PNPLA7: variants seen among roughly 807,000 people sequenced by gnomAD.
PNPLA7 encodes patatin-like phospholipase domain-containing protein 7.
In PNPLA7, 153 loss-of-function variants were observed where a neutral mutation model predicts 161.7. The observed-to-expected ratio is 0.95, with a 90% confidence interval of 0.83 to 1.08. PNPLA7 has a LOEUF of 1.08. Ranked by LOEUF, PNPLA7 falls within the 50% of genes least tolerant of loss-of-function variation. The pLI, the probability that PNPLA7 is intolerant of heterozygous loss-of-function variation, is 0.00. For missense variants in PNPLA7, 1,739 were observed against 1,856.6 expected (o/e 0.94, Z 1.16); for synonymous variants, 809 against 782.1 (o/e 1.03, Z -0.57).
intron 1 of PNPLA7, among the ~76,000 whole-genome samples, chr9:137,549,623 C>G (rs776186267): frequency 1.3e-5 from 2 of 150,548 alleles, no homozygotes; most frequent in Non-Finnish European, 3.0e-5. Flanking sequence ...GGCGAAACCC[C>G]GTTTCTACTA....
chr9:137,480,978 C>T lies in PNPLA7; in HGVS notation c.2393G>A (p.Gly798Asp), dbSNP rs1050788534. The change falls in exon 22 of 35, where the codon GGC becomes GAC. Residue 798 changes from glycine (G) to aspartate (D), a missense_variant. By Grantham distance (94) the Gly-to-Asp change is moderately conservative. Coordinates refer to ENST00000406427, the MANE Select transcript of PNPLA7 (RefSeq NM_001098537.3). ...CACGCACCTGTCCAGGGCAGCGGAG[C>T]CAAGGCGCCGTTTTATGTTGTCACT... is the stretch of plus-strand genomic sequence containing the variant. ...LTSDNIKRRL[G>D]SAALDSVHEY... is the part of the protein sequence containing the mutation. 2.1e-5 allele frequency: 32 copies of T among 1,551,480 alleles called. No homozygotes were observed. The highest frequency in any genetic ancestry group is 2.6e-5 in the Non-Finnish European group (30 of 1,146,966).
chr9:137,479,460 G>A (rs1037224669), intron 23 of PNPLA7: 75 of 1,240,304 alleles, frequency 6.0e-5, no homozygotes, highest in Non-Finnish European at 7.5e-5. Flanking sequence ...AGTACGGCAG[G>A]AGGGGGACGC....
At chr9:137,471,103 G>A (rs1414958436) in intron 25 of PNPLA7, among the ~76,000 whole-genome samples, 2 of 152,162 alleles carry the variant, frequency 1.3e-5, no homozygotes, top group African/African-American at 4.8e-5. Flanking sequence ...CAGAAAGAAC[G>A]TACATATGCA....
At position 137,546,850 on chromosome 9, in the gene PNPLA7, C is replaced by G. The variant is rs149161294; in HGVS notation, c.253G>C (p.Gly85Arg). 3 of 1,613,900 alleles carry G rather than the reference C, an allele frequency of 1.9e-6. No homozygotes were observed. Among genetic ancestry groups the G allele is most frequent in the Admixed American group, 3.3e-5 (2 of 60,020 alleles). ...GCTACCTTCCTCATGATCTTCCGGC[C>G]GTAAAACATCACTTTGTCTCTCTTC... ...FRKRDKVMFYGRKIMRKVTTL... is the reference protein window; with the variant it reads ...FRKRDKVMFYRRKIMRKVTTL... The change falls in exon 4 of 35, where the codon GGC becomes CGC. Residue 85 changes from glycine (G) to arginine (R), a missense_variant. This residue lies in a region of PNPLA7 where 209 missense variants were observed against 252.8 expected (regional missense o/e 0.83). Transcript: ENST00000406427.
In PNPLA7 at chr9:137,460,016, G is replaced by A; in HGVS notation, c.*377C>T. 4.4e-6 allele frequency: 1 copy of A among 226,388 alleles called. No homozygotes were observed. The highest frequency in any genetic ancestry group is 9.1e-6 in the Non-Finnish European group (1 of 109,358). The allele number at this position is 226,388 out of a possible 1,614,324, so 14.0% of individuals were successfully genotyped here. On this transcript the variant is annotated 3_prime_UTR_variant, in exon 35 of 35. Transcript: ENST00000406427. ...GCATCAGGGCTCCCACACCTCACAG[G>A]GCAGCAGGCAGTTCACAGGACAGCA...
At chr9:137,469,627 G>C (rs1248057915) in intron 25 of PNPLA7, among the ~76,000 whole-genome samples, 1 of 152,164 alleles carries the variant, frequency 6.6e-6, no homozygotes, top group Non-Finnish European at 1.5e-5. Flanking sequence ...GACAATGTCT[G>C]CTCGTCTAAA....
At chr9:137,464,520 C>A in intron 26 of PNPLA7, 64 bp from the exon 27 acceptor site, 1 of 1,438,800 alleles carries the variant, frequency 7.0e-7, no homozygotes, top group Non-Finnish European at 9.8e-7. Context: ...ACAGCAGACA[C>A]GTGGCGTGCT....
Position 137,489,517 on chromosome 9 carries a change from G to A in PNPLA7, c.2197+3496C>T, listed in dbSNP as rs147594126. On this transcript the variant is annotated intron_variant, in intron 20 of 34. Coordinates refer to ENST00000406427, the MANE Select transcript of PNPLA7 (RefSeq NM_001098537.3). The stretch of plus-strand genomic sequence containing the variant: ...CCAAGAGCAAGGAGGATCTGAACCA[G>A]AGGAGTAAAAACAATCCACAGATAA... 4.5e-3 allele frequency among the ~76,000 whole-genome samples: 683 copies of A among 151,936 alleles called. 13 individuals are homozygous for A. Among genetic ancestry groups the A allele is most frequent in the East Asian group, 6.8e-3 (35 of 5,120 alleles).
chr9:137,477,845 A>G (rs1832012050), intron 25 of PNPLA7, among the ~76,000 whole-genome samples, 189 bp downstream of exon 25: 1 of 152,206 alleles, frequency 6.6e-6, no homozygotes, highest in Non-Finnish European at 1.5e-5. Flanking sequence ...GGCACACCGC[A>G]TGTGCCAGGG....
At chr9:137,532,087 G>A (rs867550587) in intron 8 of PNPLA7, among the ~76,000 whole-genome samples, 23 of 152,114 alleles carry the variant, frequency 1.5e-4, no homozygotes, top group African/African-American at 5.1e-4. Context: ...GCGTATCTGC[G>A]GTATTTTGTA....
rs1398196922 is a variant in PNPLA7 at position 137,461,523 on chromosome 9, C to T, written c.3841+13G>A. ...CGCACGTCTCCACGGCTTCGTCTTG[C>T]GCCTCCACTCACCATCCACCATGGC... On this transcript the variant is annotated intron_variant, in intron 33 of 34. Coordinates refer to ENST00000406427, the MANE Select transcript of PNPLA7 (RefSeq NM_001098537.3). The T allele has an allele frequency of 1.9e-6, 3 of 1,608,180 alleles. No individual in the cohort carries two copies. Among genetic ancestry groups the T allele is most frequent in the South Asian group, 1.1e-5 (1 of 90,568 alleles).
chr9:137,542,020 G>T (rs1468021286), intron 7 of PNPLA7, among the ~76,000 whole-genome samples: 1 of 152,186 alleles, frequency 6.6e-6, no homozygotes, highest in East Asian at 1.9e-4. Flanking sequence ...GGGCTCAGGT[G>T]ATCTTCCCAC....
At position 137,522,143 on chromosome 9, in the gene PNPLA7, C is replaced by T. The variant is rs11137422; in HGVS notation, c.877-427G>A. Among the ~76,000 whole-genome samples, 43 of 152,322 alleles carry T rather than the reference C, an allele frequency of 2.8e-4. No homozygotes were observed. In the East Asian group the frequency reaches 4.1e-3, roughly 14 times the overall value. ...AGGCTGGAGTGCAGTGGCACCATCTCGGCTCACTGCAAGCTCCGCCTCCCG... is the reference window on the plus strand; with the variant it reads ...AGGCTGGAGTGCAGTGGCACCATCTTGGCTCACTGCAAGCTCCGCCTCCCG... On this transcript the variant is annotated intron_variant, in intron 9 of 34. Transcript: ENST00000406427.
rs763514538 is a variant in PNPLA7, at chr9:137,464,407, G to A, written c.3089C>T (p.Thr1030Met). The A allele has an allele frequency of 6.8e-6, 11 of 1,613,886 alleles. No individual in the cohort carries two copies. The highest frequency in any genetic ancestry group is 2.7e-5 in the African/African-American group (2 of 74,904). Residue 1030 changes from threonine to methionine, a missense_variant, in exon 27 of 35, where the codon ACG (threonine) becomes ATG (methionine). Coordinates refer to ENST00000406427, the MANE Select transcript of PNPLA7 (RefSeq NM_001098537.3). ...KAALDLTYPI[T>M]SMFSGAGFNS... The stretch of plus-strand genomic sequence containing the variant: ...GAAGCCGGCTCCGGAGAACATGGAC[G>A]TGATGGGGTAGGTGAGGTCCAGCGC...
chr9:137,504,133 G>A (rs1413796479), intron 14 of PNPLA7, among the ~76,000 whole-genome samples: 3 of 147,878 alleles, frequency 2.0e-5, no homozygotes, highest in African/African-American at 5.0e-5. Flanking sequence ...AAAAAAGGAA[G>A]AAGAAAAAAG....
rs757659216 is a variant in PNPLA7 at position 137,542,671 on chromosome 9, C to T, written c.637G>A (p.Gly213Arg). Residue 213 changes from glycine (G) to arginine (R), a missense_variant, in exon 7 of 35, where the codon GGG (glycine) becomes AGG (arginine). Around this residue, in one of 6 missense-constraint regions of PNPLA7, gnomAD observed 152 missense variants for 193.5 expected, o/e 0.79. Transcript: ENST00000406427. ...PDPSICVVQD[G>R]RLEVCIQDTD... Reference sequence around the variant, plus strand: ...TCCTGGATGCAGACCTCCAGCCGCCCGTCCTGCACCACACAGATGCTGGGG... The same window carrying T: ...TCCTGGATGCAGACCTCCAGCCGCCTGTCCTGCACCACACAGATGCTGGGG... The T allele has an allele frequency of 2.0e-5, 33 of 1,611,262 alleles. No homozygotes were observed. The highest frequency in any genetic ancestry group is 4.4e-5 in the South Asian group (4 of 90,966).
chr9:137,538,778 G>A (rs547689184), intron 8 of PNPLA7, among the ~76,000 whole-genome samples: 53 of 152,314 alleles, frequency 3.5e-4, no homozygotes, highest in Middle Eastern at 3.4e-3. Context: ...TGGGCCAAGC[G>A]CGGTGGCTCA....
At chr9:137,496,193 C>T (rs1310325261) in intron 18 of PNPLA7, among the ~76,000 whole-genome samples, 5 of 150,846 alleles carry the variant, frequency 3.3e-5, no homozygotes, top group African/African-American at 7.3e-5. Flanking sequence ...GCTGGAGTGC[C>T]GCCTCCCAGG....
chr9:137,467,246 C>T lies in PNPLA7; in HGVS notation c.3039+71G>A. 2 of 1,515,102 alleles carry T rather than the reference C, an allele frequency of 1.3e-6. No individual in the cohort carries two copies. The highest frequency in any genetic ancestry group is 1.8e-6 in the Non-Finnish European group (2 of 1,127,470). 93.9% of individuals were successfully genotyped at this position (1,515,102 alleles called of 1,614,324 possible). On this transcript the variant is annotated intron_variant, in intron 26 of 34. Coordinates refer to ENST00000406427, the MANE Select transcript of PNPLA7 (RefSeq NM_001098537.3). This position sits in a 1 kb window ranked among gnomAD's most constrained non-coding sequence, Gnocchi z 5.1. ...CAGAGCCACATGCAGAGGCCAACGG[C>T]CCCAGCGTCCCCCAGCACCAGCAAG...
Sources: allele counts gnomAD v4.1 joint callset (sites outside exome capture counted in the v4.1 genomes callset), GRCh38; gene constraint gnomAD v4.1.1; regional missense constraint gnomAD v4.1.1; non-coding constraint Gnocchi (gnomAD v3.1); transcripts MANE v1.5; gene names NCBI Gene and HGNC (gene_info 2026-07-23, HGNC 2026-07-21).